The following PIK3C2A variants were observed in gnomAD, a reference collection of about 807,000 sequenced individuals.
PIK3C2A encodes the protein phosphatidylinositol-4-phosphate 3-kinase catalytic subunit type 2 alpha.
A neutral mutation model predicts 204.5 loss-of-function variants in PIK3C2A; 97 were observed. The observed-to-expected ratio is 0.47, with a 90% CI of 0.40 to 0.56. The LOEUF (loss-of-function observed/expected upper bound fraction) is 0.56. Ranked by LOEUF, PIK3C2A falls within the 20% of genes least tolerant of loss-of-function variation. The pLI is 0.00. For missense variants in PIK3C2A, 1,735 were observed against 1,969.2 expected (o/e 0.88, Z 2.25); for synonymous variants, 653 against 664.4 (o/e 0.98, Z 0.26).
rs1850281585 is a variant in PIK3C2A at position 17,147,570 on chromosome 11, T to C, written c.1507A>G (p.Ile503Val). 8 of 1,613,166 alleles carry C rather than the reference T, an allele frequency of 5.0e-6. No homozygotes were observed. Among genetic ancestry groups the C allele is most frequent in the Non-Finnish European group, 6.8e-6 (8 of 1,179,140 alleles). Residue 503 changes from isoleucine to valine, a missense_variant, in exon 6 of 33, where the codon ATT becomes GTT. Ile to Val is a conservative substitution (Grantham distance 29). This residue lies in a region of PIK3C2A where 13 missense variants were observed against 41.1 expected (regional missense o/e 0.32). Coordinates refer to ENST00000691414, the MANE Select transcript of PIK3C2A (RefSeq NM_002645.4). ...CTGAAGGTCAAGAGTTGTAGTCTAA[T>C]TTCTGTGTCCCATTTTCGACAGTTT... Reference protein sequence around the residue: ...IQNCRKWDTEIRLQLLTFSAM... With the variant: ...IQNCRKWDTEVRLQLLTFSAM...
Position 17,092,025 on chromosome 11 carries a change from T to C in PIK3C2A, c.4613A>G (p.Glu1538Gly). The C allele has an allele frequency of 6.2e-7, 1 of 1,611,786 alleles. No homozygotes were observed. Among genetic ancestry groups the C allele is most frequent in the Non-Finnish European group, 8.5e-7 (1 of 1,177,986 alleles). Residue 1538 changes from glutamate (E) to glycine (G), a missense_variant, in exon 30 of 33, where the codon GAG becomes GGG. By Grantham distance (98) the Glu-to-Gly change is moderately conservative. Coordinates refer to ENST00000691414, the MANE Select transcript of PIK3C2A (RefSeq NM_002645.4). ...CTFFHPLLRD[E>G]KAEGIARSAD... ...AGACCTAGCTATCCCTTCAGCTTTCTCATCACGAAGTAAAGGGTGGAAGAA... is the reference window on the plus strand; with the variant it reads ...AGACCTAGCTATCCCTTCAGCTTTCCCATCACGAAGTAAAGGGTGGAAGAA...
intron 8 of PIK3C2A, among the ~76,000 whole-genome samples, chr11:17,143,987 ATTTT>A (rs201712515): frequency 2.0e-5 from 3 of 149,320 alleles, no homozygotes; most frequent in Non-Finnish European, 4.5e-5. Flanking sequence ...GGTTTTGTTA[ATTTT>A]TTTTTTTAAT....
chr11:17,135,400 TC>T (rs1849837979), intron 9 of PIK3C2A, among the ~76,000 whole-genome samples: 1 of 151,998 alleles, frequency 6.6e-6, no homozygotes, highest in Non-Finnish European at 1.5e-5. Context: ...CACAACAAAA[TC>T]TGCTTGGTTA....
intron 2 of PIK3C2A, among the ~76,000 whole-genome samples, chr11:17,167,137 A>G (rs1850986771): frequency 6.6e-6 from 1 of 151,994 alleles, no homozygotes; most frequent in Non-Finnish European, 1.5e-5. Flanking sequence ...CGCCCAGCTA[A>G]TTTTTTTGTA....
At chr11:17,201,023 T>C (rs1271761963) in intron 1 of PIK3C2A, among the ~76,000 whole-genome samples, 3 of 151,346 alleles carry the variant, frequency 2.0e-5, no homozygotes. Context: ...CTGGCCAACA[T>C]GGTGAAATCC....
At chr11:17,195,612 T>C (rs964326131) in intron 1 of PIK3C2A, among the ~76,000 whole-genome samples, 2 of 151,762 alleles carry the variant, frequency 1.3e-5, no homozygotes, top group African/African-American at 4.8e-5. Flanking sequence ...GCAGTCGTTG[T>C]TGCTGTCGTC....
intron 2 of PIK3C2A, among the ~76,000 whole-genome samples, chr11:17,162,757 G>C (rs1397299764): frequency 3.3e-5 from 5 of 152,078 alleles, no homozygotes; most frequent in South Asian, 2.1e-4. Context: ...TCTGCTTCAG[G>C]GGCTGCCTGA....
At chr11:17,110,630 A>G (rs1197594417) in intron 21 of PIK3C2A, 69 bp from the exon 22 acceptor site, 7 of 1,428,764 alleles carry the variant, frequency 4.9e-6, no homozygotes, top group Admixed American at 2.0e-5. Flanking sequence ...ATACTATGAA[A>G]GCTGTAATCC....
At chr11:17,173,293 A>G (rs1426212744) in intron 1 of PIK3C2A, among the ~76,000 whole-genome samples, 1 of 152,106 alleles carries the variant, frequency 6.6e-6, no homozygotes, top group Non-Finnish European at 1.5e-5. Context: ...CTTGTCCCCC[A>G]TTCCCATCCA....
intron 12 of PIK3C2A, 67 bp from the exon 13 acceptor site, chr11:17,129,534 T>C: frequency 2.2e-6 from 2 of 924,054 alleles, no homozygotes; most frequent in Non-Finnish European, 3.4e-6. Flanking sequence ...AACACTTTAA[T>C]GAGACTGACA....
chr11:17,167,248 T>C (rs976934867), intron 2 of PIK3C2A, among the ~76,000 whole-genome samples: 1 of 152,160 alleles, frequency 6.6e-6, no homozygotes, highest in Non-Finnish European at 1.5e-5. Flanking sequence ...GCTGGGATTA[T>C]AAACATGAGC....
At chr11:17,153,870 A>G (rs1850497696) in intron 3 of PIK3C2A, among the ~76,000 whole-genome samples, 1 of 152,208 alleles carries the variant, frequency 6.6e-6, no homozygotes, top group Non-Finnish European at 1.5e-5. Flanking sequence ...GCACAATGGA[A>G]AAAACAGAGC....
intron 8 of PIK3C2A, among the ~76,000 whole-genome samples, chr11:17,139,205 G>A (rs996083171): frequency 1.3e-5 from 2 of 150,476 alleles, no homozygotes; most frequent in Admixed American, 6.6e-5. Context: ...GAGCCACCAC[G>A]CCCGGCCTAA....
At chr11:17,129,215 C>A in intron 13 of PIK3C2A, 85 bp downstream of exon 13, 1 of 1,029,606 alleles carries the variant, frequency 9.7e-7, no homozygotes, top group Non-Finnish European at 1.5e-6. Flanking sequence ...ATCTATGTTC[C>A]TCCCCTCACC....
intron 2 of PIK3C2A, among the ~76,000 whole-genome samples, chr11:17,156,195 T>C (rs1263157988): frequency 1.3e-5 from 2 of 152,188 alleles, no homozygotes; most frequent in African/African-American, 2.4e-5. Context: ...CACCCAAGCA[T>C]AGCCAAACAG....
intron 13 of PIK3C2A, among the ~76,000 whole-genome samples, chr11:17,128,177 A>G (rs1309242389): frequency 1.3e-5 from 2 of 151,960 alleles, no homozygotes; most frequent in African/African-American, 2.4e-5. Context: ...ATATATTGCC[A>G]TAAGACCCAG....
intron 1 of PIK3C2A, among the ~76,000 whole-genome samples, chr11:17,190,574 CA>C (rs35193747): frequency 0.57 from 64,550 of 113,932 alleles, 14,594 homozygotes; most frequent in East Asian, 0.77. Context: ...GACTCTGTCT[CA>C]AAAAAAAAAA....
intron 1 of PIK3C2A, among the ~76,000 whole-genome samples, chr11:17,207,121 G>A (rs1852607934): frequency 6.6e-6 from 1 of 152,114 alleles, no homozygotes; most frequent in African/African-American, 2.4e-5. Flanking sequence ...GCTAGAGAAT[G>A]TCGTTTTTAA....
intron 1 of PIK3C2A, chr11:17,194,033 CA>C: frequency 2.6e-6 from 1 of 381,376 alleles, no homozygotes; most frequent in Non-Finnish European, 4.8e-6. Context: ...CAGGCTTTGG[CA>C]GGCCATCAGT....
Sources: gnomAD v4.1 joint callset for allele counts (sites outside exome capture counted in the v4.1 genomes callset) on GRCh38, gnomAD v4.1.1 for gene constraint, gnomAD v4.1.1 regional missense constraint, MANE v1.5 for transcripts, NCBI Gene and HGNC (gene_info 2026-07-23, HGNC 2026-07-21) for gene names.